The following RYR2 variants were observed in gnomAD, a reference collection of about 807,000 sequenced individuals.
The protein encoded by RYR2 is cardiac muscle ryanodine receptor-calcium release channel.
In RYR2, 227 loss-of-function variants were observed where a neutral mutation model predicts 601.1. The ratio of observed to expected loss-of-function variants is 0.38; its 90% CI spans 0.34 to 0.42. RYR2 has a LOEUF of 0.42. Ranked by LOEUF, RYR2 falls within the 10% of genes least tolerant of loss-of-function variation. The pLI is 1.00. For synonymous variants in RYR2, 2,223 were observed against 2,175.1 expected (o/e 1.02, Z -0.61); for missense variants, 4,646 against 6,156.5 (o/e 0.75, Z 8.21).
chr1:237,828,339 A>G (rs367850127), intron 101 of RYR2, 42 bp from the exon 102 acceptor site: 32 of 1,384,158 alleles, frequency 2.3e-5, no homozygotes, highest in Non-Finnish European at 2.8e-5. Flanking sequence ...TGAATTATTC[A>G]TTGCTTGATA....
At chr1:237,426,889 T>G (rs1706216478) in intron 12 of RYR2, among the ~76,000 whole-genome samples, 1 of 151,804 alleles carries the variant, frequency 6.6e-6, no homozygotes, top group Admixed American at 6.6e-5. Flanking sequence ...ATAGAAAAAC[T>G]AAAAATAAAA....
At chr1:237,322,987 G>A (rs1270337310) in intron 2 of RYR2, among the ~76,000 whole-genome samples, 14 of 151,746 alleles carry the variant, frequency 9.2e-5, no homozygotes, top group Admixed American at 8.5e-4. Context: ...TGTGTTATTC[G>A]TCCATTTATT....
intron 5 of RYR2, among the ~76,000 whole-genome samples, chr1:237,367,702 C>G (rs567734524): frequency 5.6e-4 from 85 of 152,100 alleles, no homozygotes; most frequent in Non-Finnish European, 9.8e-4. Context: ...ATGGTCTTTC[C>G]CTGATCTAAT....
intron 25 of RYR2, among the ~76,000 whole-genome samples, chr1:237,542,316 C>T (rs2148038408): frequency 6.6e-6 from 1 of 152,194 alleles, no homozygotes; most frequent in Admixed American, 6.5e-5. Flanking sequence ...TGGTCTCAAA[C>T]TCCCGACCTT....
intron 80 of RYR2, among the ~76,000 whole-genome samples, chr1:237,751,338 C>T (rs1420388004): frequency 6.6e-6 from 1 of 152,174 alleles, no homozygotes; most frequent in Non-Finnish European, 1.5e-5. Context: ...AAACTACATT[C>T]CCTCTAATGA....
chr1:237,468,306 C>T (rs907071185), intron 16 of RYR2, among the ~76,000 whole-genome samples: 1 of 152,118 alleles, frequency 6.6e-6, no homozygotes, highest in Non-Finnish European at 1.5e-5. Flanking sequence ...ATTTACCATG[C>T]TTGCTTTGAA....
At position 237,425,839 on chromosome 1, in the gene RYR2, C is replaced by T. The variant is rs1706097316; in HGVS notation, c.1005+2591C>T. Among the ~76,000 whole-genome samples, 3 of 152,036 alleles carry T rather than the reference C, an allele frequency of 2.0e-5. No individual in the cohort carries two copies. The South Asian group carries it at 6.2e-4, about 32-fold the overall frequency. ...GGACCTGCACAGTCCAAATACATGT[C>T]GTTCAAGAATCAACTGTACATTACA... On this transcript the variant is annotated intron_variant, in intron 12 of 104. Coordinates refer to ENST00000366574, the MANE Select transcript of RYR2 (RefSeq NM_001035.3).
chr1:237,192,710 T>C (rs1680109788), intron 1 of RYR2, among the ~76,000 whole-genome samples: 1 of 152,212 alleles, frequency 6.6e-6, no homozygotes, highest in Non-Finnish European at 1.5e-5. Flanking sequence ...AGGGCATTTA[T>C]TTTCCGCTAA....
At chr1:237,637,951 G>T (rs1205025194) in intron 44 of RYR2, among the ~76,000 whole-genome samples, 1 of 152,054 alleles carries the variant, frequency 6.6e-6, no homozygotes, top group East Asian at 1.9e-4. Context: ...AAAACAGAAG[G>T]CACCGCGGGC....
At position 237,194,367 on chromosome 1, in the gene RYR2, C is replaced by T. The variant is rs137919731; in HGVS notation, c.49-76130C>T. ...TTTATAACCCCTTTGTTGGACCCAC[C>T]GTACTATACATGAGTGAGAAACAGC... On this transcript the variant is annotated intron_variant, in intron 1 of 104. Transcript: ENST00000366574. Among the ~76,000 whole-genome samples, 33 of 152,248 alleles carry T rather than the reference C, an allele frequency of 2.2e-4. No homozygotes were observed. In the East Asian group the frequency reaches 4.8e-3, roughly 22 times the overall value.
chr1:237,122,634 A>G (rs1051840923), intron 1 of RYR2, among the ~76,000 whole-genome samples: 2 of 152,226 alleles, frequency 1.3e-5, no homozygotes, highest in Non-Finnish European at 2.9e-5. Context: ...GTGAGCTGAG[A>G]TCGCGCCACT....
intron 10 of RYR2, among the ~76,000 whole-genome samples, chr1:237,407,640 G>A (rs12411210): frequency 0.095 from 13,948 of 146,798 alleles, 971 homozygotes; most frequent in East Asian, 0.28. Flanking sequence ...AAATTGAGAC[G>A]GAGTCTGGCT....
chr1:237,219,010 A>ATTTT (rs754644450), intron 1 of RYR2, among the ~76,000 whole-genome samples: 12 of 121,688 alleles, frequency 9.9e-5, no homozygotes, highest in African/African-American at 1.2e-4. Flanking sequence ...CTTATACTTG[A>ATTTT]TTTTTTTTTT....
rs981225773 is a variant in RYR2, at chr1:237,795,388, T to G, written c.13956+57T>G. 46 of 853,646 alleles carry G rather than the reference T, an allele frequency of 5.4e-5. No homozygotes were observed. In the African/African-American group the frequency reaches 7.3e-4, roughly 14 times the overall value. The allele number at this position is 853,646 out of a possible 1,614,324, so 52.9% of individuals were successfully genotyped here. A position where few individuals can be genotyped will look rare whatever the true frequency, so the allele number is the denominator to read the frequency against. On this transcript the variant is annotated intron_variant, in intron 96 of 104. Transcript: ENST00000366574. ...TTAAAGCACAGTTTAGATTTTTATT[T>G]GATGTGATTCAGATGTAGAATAAGA...
chr1:237,731,479 A>G (rs1324635363), intron 77 of RYR2, among the ~76,000 whole-genome samples: 1 of 152,144 alleles, frequency 6.6e-6, no homozygotes, highest in African/African-American at 2.4e-5. Context: ...CGAAGAAAAT[A>G]TTTCACTTTA....
At chr1:237,786,092 T>C in intron 91 of RYR2, 56 bp downstream of exon 91, 3 of 1,071,434 alleles carry the variant, frequency 2.8e-6, no homozygotes, top group Non-Finnish European at 4.2e-6. Flanking sequence ...TACATCTCTT[T>C]TTCTTGTACT....
At chr1:237,730,501 C>T (rs1320684080) in intron 77 of RYR2, 145 bp downstream of exon 77, 2 of 494,820 alleles carry the variant, frequency 4.0e-6, no homozygotes, top group Admixed American at 3.5e-5. Flanking sequence ...TTAATTGTTA[C>T]TGCATTCAAT....
chr1:237,597,080 A>G (rs1675972239), intron 34 of RYR2, among the ~76,000 whole-genome samples: 3 of 152,198 alleles, frequency 2.0e-5, no homozygotes, highest in Non-Finnish European at 4.4e-5. Flanking sequence ...CCATTCGTAG[A>G]AGTAAATTTT....
chr1:237,131,751 T>G (rs969261232), intron 1 of RYR2, among the ~76,000 whole-genome samples: 1 of 152,076 alleles, frequency 6.6e-6, no homozygotes, highest in Admixed American at 6.6e-5. Flanking sequence ...GGTAGAGTCT[T>G]GCTCTGTCAC....
Sources: allele counts gnomAD v4.1 joint callset (sites outside exome capture counted in the v4.1 genomes callset), GRCh38; gene constraint gnomAD v4.1.1; transcripts MANE v1.5; gene names NCBI Gene and HGNC (gene_info 2026-07-23, HGNC 2026-07-21).